The following BANP variants were observed in gnomAD, a reference collection of about 807,000 sequenced individuals.
The protein encoded by BANP is BTG3 associated nuclear protein.
Under a neutral mutation model 68.1 loss-of-function variants are expected in BANP, and 11 were observed. That is an observed-to-expected ratio of 0.16 (90% CI 0.10 to 0.27). The LOEUF is 0.27. Among genes scored for constraint, BANP ranks in the 10% least tolerant of loss-of-function variants. The pLI is 1.00. For synonymous variants in BANP, 329 were observed against 303.2 expected, an observed-to-expected ratio of 1.09 and a Z score of -0.88; for missense variants, 504 against 722.7, an observed-to-expected ratio of 0.70 and a Z score of 3.47.
At chr16:88,049,672 G>A (rs2082803047) in intron 11 of BANP, among the ~76,000 whole-genome samples, 1 of 152,144 alleles carries the variant, frequency 6.6e-6, no homozygotes, top group African/African-American at 2.4e-5. Context: ...AGGAACCAGG[G>A]ACAAAACCAG....
At chr16:88,053,044 A>G (rs1197192052) in intron 11 of BANP, among the ~76,000 whole-genome samples, 1 of 151,324 alleles carries the variant, frequency 6.6e-6, no homozygotes, top group African/African-American at 2.4e-5. Flanking sequence ...AAACACTACC[A>G]TCACCATCAC....
chr16:87,980,834 G>C (rs1490197847), intron 2 of BANP: 1 of 554,538 alleles, frequency 1.8e-6, no homozygotes, highest in Non-Finnish European at 3.2e-6. Flanking sequence ...TAATTGCCCA[G>C]TGTCTGGGCT....
At chr16:88,001,963 CAATCCAGATTT>C (rs2152548501) in intron 4 of BANP, among the ~76,000 whole-genome samples, 1 of 151,882 alleles carries the variant, frequency 6.6e-6, no homozygotes, top group African/African-American at 2.4e-5. Flanking sequence ...ATTGAAGGTT[CAATCCAGATTT>C]GTTCAACTAC....
At chr16:87,983,389 G>A (rs1384779457) in intron 3 of BANP, among the ~76,000 whole-genome samples, 1 of 152,192 alleles carries the variant, frequency 6.6e-6, no homozygotes, top group Admixed American at 6.5e-5. Flanking sequence ...ACGGCAGCTG[G>A]GGAAATGAAA....
intron 1 of BANP, among the ~76,000 whole-genome samples, chr16:87,959,505 C>T (rs746745311): frequency 6.6e-5 from 10 of 152,162 alleles, no homozygotes; most frequent in Admixed American, 3.3e-4. Context: ...AGGCTGCTTG[C>T]GAGGGAGGCG....
rs745316673 is a variant in BANP at position 88,071,833 on chromosome 16, G to A, written c.1378-236G>A. ...TTCTGCTCTGTAGGTGCTTGAGGGC[G>A]GAGTTGCAGATCCAGCAGAGACTCG... On this transcript the variant is annotated intron_variant, in intron 12 of 13. Coordinates refer to ENST00000682872, the MANE Select transcript of BANP (RefSeq NM_001386991.1). This position sits in a 1 kb window ranked among gnomAD's most constrained non-coding sequence, Gnocchi z 6.5. 2.6e-5 allele frequency: 18 copies of A among 700,788 alleles called. No homozygotes were observed. Among genetic ancestry groups the A allele is most frequent in the South Asian group, 1.9e-4 (13 of 66,746 alleles). 43.4% of individuals were successfully genotyped at this position (700,788 alleles called of 1,614,324 possible).
At chr16:88,073,471 T>C (rs1413908312) in intron 13 of BANP, among the ~76,000 whole-genome samples, 4 of 152,070 alleles carry the variant, frequency 2.6e-5, no homozygotes, top group African/African-American at 7.2e-5. Context: ...TGGTGTTTGG[T>C]TCCACATTGT....
At chr16:88,072,909 A>G (rs1360121405) in intron 13 of BANP, among the ~76,000 whole-genome samples, 1 of 152,218 alleles carries the variant, frequency 6.6e-6, no homozygotes, top group Non-Finnish European at 1.5e-5. Flanking sequence ...TTCTACCTCC[A>G]GCCTGGTGGT....
intron 11 of BANP, among the ~76,000 whole-genome samples, chr16:88,048,197 G>A (rs912952142): frequency 6.6e-6 from 1 of 152,200 alleles, no homozygotes; most frequent in Non-Finnish European, 1.5e-5. Flanking sequence ...AATAGCAAGA[G>A]GTACATTTGC....
At chr16:87,993,039 G>A (rs914320945) in intron 4 of BANP, among the ~76,000 whole-genome samples, 4 of 152,150 alleles carry the variant, frequency 2.6e-5, no homozygotes, top group Non-Finnish European at 2.9e-5. Context: ...GCATTGGGTC[G>A]GTTATTTTGT....
At position 88,064,756 on chromosome 16, in the gene BANP, G is replaced by T. The variant is rs561832792; in HGVS notation, c.1312-511G>T. Among the ~76,000 whole-genome samples, 2 of 152,338 alleles carry T rather than the reference G, an allele frequency of 1.3e-5. No individual in the cohort carries two copies. The highest frequency in any genetic ancestry group is 1.3e-4 in the Admixed American group (2 of 15,308). ...GCCTGGTGCCTTCATGCGGTTGGGG[G>T]TGCTGCCGCTCTTGCCCGCAGGGCA... On this transcript the variant is annotated intron_variant, in intron 11 of 13. Coordinates refer to ENST00000682872, the MANE Select transcript of BANP (RefSeq NM_001386991.1). The surrounding 1 kb of genome is among the most constrained non-coding windows in gnomAD (Gnocchi z 4.5).
intron 1 of BANP, chr16:87,956,482 G>A (rs1329985090): frequency 6.6e-6 from 1 of 152,288 alleles, no homozygotes; most frequent in East Asian, 1.9e-4. Context: ...GGGGGCCGTG[G>A]GGAGGAGTTT....
rs1487911126 is a variant in BANP, at chr16:88,018,850, C to T, written c.895+183C>T. Among the ~76,000 whole-genome samples the T allele has an allele frequency of 6.6e-6, 1 of 152,224 alleles. No homozygotes were observed. Among genetic ancestry groups the T allele is most frequent in the East Asian group, 1.9e-4 (1 of 5,196 alleles). ...TGGATGAGCTGTTGACCCTGATGTG[C>T]TTATTACGCACGGCATGCCCGCACC... On this transcript the variant is annotated intron_variant, in intron 7 of 13. Transcript: ENST00000682872. The surrounding 1 kb of genome is among the most constrained non-coding windows in gnomAD (Gnocchi z 7.7).
chr16:88,056,942 G>A (rs1236102072), intron 11 of BANP, among the ~76,000 whole-genome samples: 3 of 152,174 alleles, frequency 2.0e-5, no homozygotes, highest in South Asian at 2.1e-4. Flanking sequence ...TACGGCTTAC[G>A]TTCACCAGAT....
intron 6 of BANP, among the ~76,000 whole-genome samples, chr16:88,015,509 C>T (rs565851598): frequency 7.4e-4 from 113 of 152,382 alleles, no homozygotes; most frequent in African/African-American, 2.6e-3. Context: ...TCCTGGAGCA[C>T]GTGGCCCCTC....
intron 11 of BANP, among the ~76,000 whole-genome samples, chr16:88,060,677 CA>C (rs1466671379): frequency 1.3e-5 from 2 of 152,188 alleles, no homozygotes; most frequent in Non-Finnish European, 2.9e-5. Context: ...TTCTCACCGT[CA>C]GCTCTGGGCT....
intron 13 of BANP, among the ~76,000 whole-genome samples, chr16:88,076,369 T>G (rs146390189): frequency 0.037 from 4,536 of 122,798 alleles, 85 homozygotes; most frequent in Middle Eastern, 0.057. Context: ...GGCCTGGGTG[T>G]GCCGGAGCCT....
At chr16:87,988,881 G>A (rs1028198284) in intron 4 of BANP, among the ~76,000 whole-genome samples, 4 of 152,204 alleles carry the variant, frequency 2.6e-5, no homozygotes, top group East Asian at 1.9e-4. Flanking sequence ...CAGCAGGGGC[G>A]TCACTAAGGC....
chr16:88,053,699 CCATCAT>C (rs377094896), intron 11 of BANP, among the ~76,000 whole-genome samples: 14 of 141,660 alleles, frequency 9.9e-5, no homozygotes, highest in African/African-American at 3.1e-4. Context: ...ACTGTCATCT[CCATCAT>C]CATCATCACC....
Sources: allele counts gnomAD v4.1 joint callset (sites outside exome capture counted in the v4.1 genomes callset), GRCh38; gene constraint gnomAD v4.1.1; non-coding constraint Gnocchi (gnomAD v3.1); transcripts MANE v1.5; gene names NCBI Gene and HGNC (gene_info 2026-07-23, HGNC 2026-07-21).